Variants in CNTN2 observed in about 807,000 individuals in gnomAD.
CNTN2 encodes contactin 2.
In CNTN2, 53 loss-of-function variants were observed where a neutral mutation model predicts 117.5. That is an observed-to-expected ratio of 0.45 (90% CI 0.36 to 0.57). CNTN2 has a LOEUF of 0.57. Among genes scored for constraint, CNTN2 ranks in the 20% least tolerant of loss-of-function variants. The pLI is 0.00. For missense variants in CNTN2, 1,106 were observed against 1,404.3 expected, an observed-to-expected ratio of 0.79 and a Z score of 3.39; for synonymous variants, 530 against 561.7, an observed-to-expected ratio of 0.94 and a Z score of 0.80.
intron 2 of CNTN2, among the ~76,000 whole-genome samples, chr1:205,056,389 C>A (rs1250950880): frequency 1.3e-5 from 2 of 152,196 alleles, no homozygotes; most frequent in Admixed American, 6.5e-5. Context: ...CCGTCACCGC[C>A]CGCCGCCTCC....
In CNTN2 at chr1:205,064,357, C is replaced by T. The variant is rs767528359; in HGVS notation, c.1276C>T (p.Arg426Cys). 8.7e-6 allele frequency: 14 copies of T among 1,602,010 alleles called. No individual in the cohort carries two copies. Among genetic ancestry groups the T allele is most frequent in the South Asian group, 5.5e-5 (5 of 90,676 alleles). ...APDFRLNPVR[R>C]LIPAARGGEI... ...TGACTTCAGGCTGAATCCCGTGAGG[C>T]GTCTGATCCCCGCGGCCCGCGGGGG... Residue 426 changes from arginine to cysteine, a missense_variant, in exon 11 of 23, where the codon CGT becomes TGT. By Grantham distance (180) the Arg-to-Cys change is radical. Coordinates refer to ENST00000331830, the MANE Select transcript of CNTN2 (RefSeq NM_005076.5).
At chr1:205,062,238 C>A in intron 9 of CNTN2, 1 of 838,400 alleles carries the variant, frequency 1.2e-6, no homozygotes, top group Non-Finnish European at 1.8e-6. Context: ...CTGACTGGGT[C>A]ACCTCACCCT....
intron 10 of CNTN2, 69 bp from the exon 11 acceptor site, chr1:205,064,253 G>C: frequency 6.7e-7 from 1 of 1,498,314 alleles, no homozygotes; most frequent in East Asian, 2.3e-5. Context: ...GGCTTCAAAG[G>C]GCACGCCAAG....
chr1:205,059,015 T>G lies in CNTN2; in HGVS notation c.488-69T>G. On this transcript the variant is annotated intron_variant, in intron 5 of 22. Coordinates refer to ENST00000331830, the MANE Select transcript of CNTN2 (RefSeq NM_005076.5). The surrounding 1 kb of genome is among the most constrained non-coding windows in gnomAD (Gnocchi z 5.6). ...GGCTTGCAGAACCGCACCAGCATGC[T>G]GGGGTCCCACCCAGAGTGGCCCTGT... 7.1e-7 allele frequency: 1 copy of G among 1,417,738 alleles called. No individual in the cohort carries two copies. Among genetic ancestry groups the G allele is most frequent in the Non-Finnish European group, 9.9e-7 (1 of 1,012,624 alleles). 87.8% of individuals were successfully genotyped at this position (1,417,738 alleles called of 1,614,324 possible).
In CNTN2 at chr1:205,064,647, C is replaced by T. The variant is rs930339978; in HGVS notation, c.1416C>T (p.Thr472=). Reference sequence around the variant, plus strand: ...GAGTGACTGTAACTCCAGATGGCACCTTGATCATAAGAAACATCAGCCGGT... The same window carrying T: ...GAGTGACTGTAACTCCAGATGGCACTTTGATCATAAGAAACATCAGCCGGT... ...SSRVTVTPDG[T]LIIRNISRSD... is the part of the protein sequence containing the mutation. Residue 472 remains threonine, a synonymous_variant, in exon 12 of 23, where the codon ACC becomes ACT. Transcript: ENST00000331830. 1.2e-6 allele frequency: 2 copies of T among 1,614,034 alleles called. No individual in the cohort carries two copies. Among genetic ancestry groups the T allele is most frequent in the African/African-American group, 1.3e-5 (1 of 74,916 alleles).
In CNTN2 at chr1:205,069,936, A is replaced by G; in HGVS notation, c.2306A>G (p.Gln769Arg). 1 of 1,613,798 alleles carries G rather than the reference A, an allele frequency of 6.2e-7. No homozygotes were observed. The highest frequency in any genetic ancestry group is 8.5e-7 in the Non-Finnish European group (1 of 1,180,016). ...GCCCGGGTGCCTGGCGCCGATGCCCAGTACTTTGTCTACAGCAACGAGAGC... is the reference window on the plus strand; with the variant it reads ...GCCCGGGTGCCTGGCGCCGATGCCCGGTACTTTGTCTACAGCAACGAGAGC... ...QTARVPGADA[Q>R]YFVYSNESVR... Residue 769 changes from glutamine to arginine, a missense_variant, in exon 18 of 23, where the codon CAG becomes CGG. Physicochemically the swap from Gln to Arg is conservative, Grantham distance 43 (BLOSUM62 1). Coordinates refer to ENST00000331830, the MANE Select transcript of CNTN2 (RefSeq NM_005076.5).
Position 205,067,403 on chromosome 1 carries a change from T to C in CNTN2, c.2125+153T>C, listed in dbSNP as rs1654350345. 4 of 902,982 alleles carry C rather than the reference T, an allele frequency of 4.4e-6. No individual in the cohort carries two copies. In the African/African-American group the frequency reaches 5.1e-5, roughly 11 times the overall value. The allele number at this position is 902,982 out of a possible 1,614,324, so 55.9% of individuals were successfully genotyped here. A position where few individuals can be genotyped will look rare whatever the true frequency, so the allele number is the denominator to read the frequency against. On this transcript the variant is annotated intron_variant, in intron 16 of 22. Transcript: ENST00000331830. ...AAACAGAGGAGGACAGAACACCAAG[T>C]TGGGACCAGGGCCACTGCATGGACA...
chr1:205,064,171 T>C (rs1234451817), intron 10 of CNTN2, 151 bp from the exon 11 acceptor site: 1 of 811,452 alleles, frequency 1.2e-6, no homozygotes, highest in Non-Finnish European at 1.9e-6. Flanking sequence ...TTTGATAGCT[T>C]AGGCCAGAGA....
Position 205,073,586 on chromosome 1 carries a change from CT to C in CNTN2, c.3014-69del. 2 of 1,418,162 alleles carry C rather than the reference CT, an allele frequency of 1.4e-6. No homozygotes were observed. Among genetic ancestry groups the C allele is most frequent in the Admixed American group, 3.6e-5 (2 of 55,806 alleles). The allele number at this position is 1,418,162 out of a possible 1,614,324, so 87.8% of individuals were successfully genotyped here. The stretch of plus-strand genomic sequence containing the variant: ...CCCTGTGAGTCTCCTTAGGAAAGGT[CT>C]CAATCTTGCCACAAGGGTGGGGCTA... On this transcript the variant is annotated intron_variant, in intron 22 of 22. Transcript: ENST00000331830. The surrounding 1 kb of genome is among the most constrained non-coding windows in gnomAD (Gnocchi z 6.3).
intron 17 of CNTN2, 91 bp from the exon 18 acceptor site, chr1:205,069,736 C>T: frequency 6.8e-7 from 1 of 1,478,718 alleles, no homozygotes; most frequent in Non-Finnish European, 9.3e-7. Flanking sequence ...GCGTCCAGGG[C>T]CGCTACTCTT....
At chr1:205,070,338 C>A in intron 18 of CNTN2, 88 bp from the exon 19 acceptor site, 1 of 973,182 alleles carries the variant, frequency 1.0e-6, no homozygotes. Context: ...CCTCCAAAAT[C>A]TTAAGCAAAG....
At chr1:205,045,589 G>A (rs559919751) in intron 1 of CNTN2, among the ~76,000 whole-genome samples, 7 of 152,306 alleles carry the variant, frequency 4.6e-5, no homozygotes, top group Non-Finnish European at 7.3e-5. Context: ...TGAGCCAAAC[G>A]TTGGTGAGAA....
rs370834023 is a variant in CNTN2, at chr1:205,061,370, C to T, written c.923C>T (p.Ala308Val). The part of the protein sequence containing the change: ...FEDEGTYECE[A>V]ENSKGRDTVQ... ...GATGAGGGCACCTACGAGTGTGAGG[C>T]GGAGAACTCCAAGGGCCGAGACACC... The change falls in exon 8 of 23, where the codon GCG (alanine) becomes GTG (valine). Residue 308 changes from alanine (A) to valine (V), a missense_variant. Physicochemically the swap from Ala to Val is moderately conservative, Grantham distance 64. Coordinates refer to ENST00000331830, the MANE Select transcript of CNTN2 (RefSeq NM_005076.5). This position sits in a 1 kb window ranked among gnomAD's most constrained non-coding sequence, Gnocchi z 4.8. 1.2e-5 allele frequency: 19 copies of T among 1,613,576 alleles called. No homozygotes were observed. Among genetic ancestry groups the T allele is most frequent in the Middle Eastern group, 1.6e-4 (1 of 6,080 alleles).
At chr1:205,071,316 G>A (rs1468244181) in intron 19 of CNTN2, among the ~76,000 whole-genome samples, 1 of 152,202 alleles carries the variant, frequency 6.6e-6, no homozygotes, top group Non-Finnish European at 1.5e-5. Context: ...GGAGCAGATG[G>A]CAAGTGATGG....
At position 205,058,187 on chromosome 1, in the gene CNTN2, G is replaced by A; in HGVS notation, c.222G>A (p.Lys74=). ...RASPPATYRW[K]MNGTEMKLEP... ...CCTCTGTCCCCTGCTGCAGGTGGAA[G>A]ATGAATGGTACCGAGATGAAGCTGG... Residue 74 remains lysine (K), a synonymous_variant, in exon 4 of 23, where the codon AAG becomes AAA. Transcript: ENST00000331830. This position sits in a 1 kb window ranked among gnomAD's most constrained non-coding sequence, Gnocchi z 4.3. 1 of 1,589,894 alleles carries A rather than the reference G, an allele frequency of 6.3e-7. No homozygotes were observed. The highest frequency in any genetic ancestry group is 2.2e-5 in the East Asian group (1 of 44,672).
Position 205,054,068 on chromosome 1 carries a change from TC to T in CNTN2, c.70+817del, listed in dbSNP as rs534203294. 5.2e-3 allele frequency among the ~76,000 whole-genome samples: 785 copies of T among 151,896 alleles called. 3 individuals carry two copies. The highest frequency in any genetic ancestry group is 0.018 in the African/African-American group (750 of 41,394). Reference sequence around the variant, plus strand: ...GGCCTGTCCTAGGGCAAGAGGGAGGTCCCCAGCCGCCTCCTGCTCTAAGGGG... The same window carrying T: ...GGCCTGTCCTAGGGCAAGAGGGAGGTCCCAGCCGCCTCCTGCTCTAAGGGG... On this transcript the variant is annotated intron_variant, in intron 2 of 22. Coordinates refer to ENST00000331830, the MANE Select transcript of CNTN2 (RefSeq NM_005076.5).
Position 205,074,114 on chromosome 1 carries a change from C to G in CNTN2, c.*349C>G, listed in dbSNP as rs1654743493. The G allele has an allele frequency of 1.9e-6, 1 of 538,126 alleles. No homozygotes were observed. Among genetic ancestry groups the G allele is most frequent in the Non-Finnish European group, 3.3e-6 (1 of 305,794 alleles). 33.3% of individuals were successfully genotyped at this position (538,126 alleles called of 1,614,324 possible). On this transcript the variant is annotated 3_prime_UTR_variant, in exon 23 of 23. Coordinates refer to ENST00000331830, the MANE Select transcript of CNTN2 (RefSeq NM_005076.5). ...CTCAGCAGAGATGGCCCTCTGGGAC[C>G]CTATACGGACTCCGCCACTTGAGAG...
At chr1:205,070,725 G>C in intron 19 of CNTN2, 187 bp downstream of exon 19, 2 of 494,332 alleles carry the variant, frequency 4.0e-6, no homozygotes, top group Non-Finnish European at 7.4e-6. Context: ...GGCCAGGCGC[G>C]GTGGCTCATG....
In CNTN2 at chr1:205,075,839, C is replaced by T. The variant is rs1270872553; in HGVS notation, c.*2074C>T. 2 of 152,226 alleles carry T rather than the reference C, an allele frequency of 1.3e-5. No homozygotes were observed. Among genetic ancestry groups the T allele is most frequent in the Non-Finnish European group, 2.9e-5 (2 of 68,066 alleles). 9.4% of individuals were successfully genotyped at this position (152,226 alleles called of 1,614,324 possible). On this transcript the variant is annotated 3_prime_UTR_variant, in exon 23 of 23. Coordinates refer to ENST00000331830, the MANE Select transcript of CNTN2 (RefSeq NM_005076.5). ...AGGGAGTCCAAACTTGGCCTAGCAT[C>T]CCTCCTGGCCCCCCTCTGGCCACGA... is the stretch of plus-strand genomic sequence containing the variant.
Sources: gnomAD v4.1 joint callset for allele counts (sites outside exome capture counted in the v4.1 genomes callset) on GRCh38, gnomAD v4.1.1 for gene constraint, Gnocchi (gnomAD v3.1) non-coding constraint, MANE v1.5 for transcripts, NCBI Gene and HGNC (gene_info 2026-07-23, HGNC 2026-07-21) for gene names.